Variants in SLC1A7 observed in about 807,000 individuals in gnomAD.
The protein encoded by SLC1A7 is excitatory amino acid transporter 5.
Under a neutral mutation model 47.7 loss-of-function variants are expected in SLC1A7, and 40 were observed. The ratio of observed to expected loss-of-function variants is 0.84; its 90% CI spans 0.65 to 1.09. SLC1A7 has a LOEUF of 1.09. SLC1A7 is among the 50% of genes least tolerant of loss of function. The probability of loss-of-function intolerance (pLI) is 0.00; values close to 1 mark genes in which losing one functional copy is unlikely to be tolerated. For missense variants in SLC1A7, 746 were observed against 769.5 expected (o/e 0.97, Z 0.36); for synonymous variants, 323 against 325.6 (o/e 0.99, Z 0.09).
intron 2 of SLC1A7, among the ~76,000 whole-genome samples, chr1:53,124,248 C>A (rs1237802605): frequency 0.095 from 90 of 946 alleles, no homozygotes; most frequent in African/African-American, 0.11. Flanking sequence ...AATACATACA[C>A]AACACACACA....
chr1:53,105,879 TTCCTC>T, intron 3 of SLC1A7, 105 bp from the exon 4 acceptor site: 1 of 880,616 alleles, frequency 1.1e-6, no homozygotes. Context: ...TGGTCGGGCC[TTCCTC>T]AGGCCAGCCT....
chr1:53,088,272 G>A (rs1404012281), intron 10 of SLC1A7, 45 bp from the exon 11 acceptor site: 19 of 1,491,412 alleles, frequency 1.3e-5, no homozygotes, highest in Non-Finnish European at 1.7e-5. Flanking sequence ...AGGGACCAAG[G>A]TTAGATACGA....
chr1:53,117,523 G>A (rs947082660), intron 2 of SLC1A7, among the ~76,000 whole-genome samples: 59 of 152,312 alleles, frequency 3.9e-4, no homozygotes, highest in African/African-American at 1.2e-3. Flanking sequence ...GCAGCCATCC[G>A]GAGTGATCGT....
chr1:53,093,216 C>T (rs1644445511), intron 6 of SLC1A7, among the ~76,000 whole-genome samples: 1 of 152,170 alleles, frequency 6.6e-6, no homozygotes, highest in African/African-American at 2.4e-5. Flanking sequence ...GAAACTGAGC[C>T]CAGGAGAGCA....
intron 4 of SLC1A7, among the ~76,000 whole-genome samples, chr1:53,104,145 C>T (rs569703444): frequency 1.4e-4 from 21 of 152,344 alleles, no homozygotes; most frequent in Non-Finnish European, 2.8e-4. Context: ...AGGGAGCCTC[C>T]TCTCCCCTCA....
intron 1 of SLC1A7, among the ~76,000 whole-genome samples, chr1:53,138,241 T>A (rs1645020321): frequency 6.6e-6 from 1 of 152,214 alleles, no homozygotes; most frequent in Admixed American, 6.5e-5. Context: ...AGATCATCAG[T>A]TTATCTCCAC....
At chr1:53,105,704 C>G in intron 4 of SLC1A7, 28 bp downstream of exon 4, 1 of 1,587,732 alleles carries the variant, frequency 6.3e-7, no homozygotes, top group South Asian at 1.1e-5. Context: ...CCCCTTCCCT[C>G]CCCTCCACTG....
intron 1 of SLC1A7, among the ~76,000 whole-genome samples, chr1:53,141,822 A>C (rs1645060285): frequency 6.6e-6 from 1 of 151,778 alleles, no homozygotes; most frequent in South Asian, 2.1e-4. Flanking sequence ...TCTTCTGCCC[A>C]AAAGCATCTC....
chr1:53,095,806 G>C (rs1644481065), intron 5 of SLC1A7, among the ~76,000 whole-genome samples: 1 of 135,696 alleles, frequency 7.4e-6, no homozygotes, highest in African/African-American at 2.9e-5. Context: ...CATTCACCCC[G>C]ACTTGGTACA....
rs189122686 is a variant in SLC1A7, at chr1:53,089,308, A to T, written c.1362-329T>A. On this transcript the variant is annotated intron_variant, in intron 9 of 10. Transcript: ENST00000371494. ...GAGACAGAGTCTTGCTCTGTCACTC[A>T]GGCTGGAGTGCAGTGGCGCCATCTC... 4.6e-4 allele frequency among the ~76,000 whole-genome samples: 70 copies of T among 152,340 alleles called. 1 individual carries two copies. The highest frequency in any genetic ancestry group is 3.4e-3 in the Middle Eastern group (1 of 292).
intron 2 of SLC1A7, among the ~76,000 whole-genome samples, chr1:53,121,642 C>T (rs994833775): frequency 6.6e-6 from 1 of 152,224 alleles, no homozygotes; most frequent in African/African-American, 2.4e-5. Flanking sequence ...AGTTGGGAAT[C>T]CAAGCAGACC....
chr1:53,118,688 C>T (rs985983684), intron 2 of SLC1A7: 3 of 152,152 alleles, frequency 2.0e-5, no homozygotes, highest in African/African-American at 7.2e-5. Context: ...ATTATCATTT[C>T]AATATGTCAT....
chr1:53,141,926 G>A (rs1645061643), intron 1 of SLC1A7, among the ~76,000 whole-genome samples: 1 of 152,110 alleles, frequency 6.6e-6, no homozygotes, highest in Non-Finnish European at 1.5e-5. Flanking sequence ...TGTCACCTCT[G>A]CCTAGAGCAC....
intron 4 of SLC1A7, among the ~76,000 whole-genome samples, chr1:53,104,949 G>A (rs927837701): frequency 6.6e-6 from 1 of 152,222 alleles, no homozygotes; most frequent in African/African-American, 2.4e-5. Context: ...CACTGAAAGG[G>A]GGAGTGGGAA....
At position 53,117,707 on chromosome 1, in the gene SLC1A7, C is replaced by G. The variant is rs538562622; in HGVS notation, c.216-2734G>C. On this transcript the variant is annotated intron_variant, in intron 2 of 10. Coordinates refer to ENST00000371494, the MANE Select transcript of SLC1A7 (RefSeq NM_006671.6). ...GTGTGGAGTGGGGTGCAGGTGAGGA[C>G]TGGATTTCAGGAAAGGATAAAGGCC... 5.3e-5 allele frequency among the ~76,000 whole-genome samples: 8 copies of G among 152,296 alleles called. No homozygotes were observed. In the South Asian group the frequency reaches 1.7e-3, roughly 32 times the overall value.
At chr1:53,116,863 G>A (rs551106085) in intron 2 of SLC1A7, among the ~76,000 whole-genome samples, 3 of 152,310 alleles carry the variant, frequency 2.0e-5, no homozygotes, top group Non-Finnish European at 2.9e-5. Flanking sequence ...TGCCCACTCC[G>A]TGCCATGCCC....
At chr1:53,114,675 C>T (rs1280370822) in intron 3 of SLC1A7, 83 bp downstream of exon 3, 6 of 1,203,988 alleles carry the variant, frequency 5.0e-6, no homozygotes, top group African/African-American at 3.0e-5. Context: ...CCCATCTCCA[C>T]ACCCCGTCCT....
At chr1:53,108,400 GCAGGGA>G (rs1644667788) in intron 3 of SLC1A7, 1 of 595,648 alleles carries the variant, frequency 1.7e-6, no homozygotes, top group South Asian at 2.2e-5. Flanking sequence ...GTGGGCCTTG[GCAGGGA>G]CAGCTAGTTG....
rs768214361 is a variant in SLC1A7 at position 53,142,601 on chromosome 1, G to C, written c.-152C>G. Reference sequence around the variant, plus strand: ...AGTCGCCAGCCCCACGGCCATGCCCGTGTGGCCGCCTTAGAGGGAAGCCAC... The same window carrying C: ...AGTCGCCAGCCCCACGGCCATGCCCCTGTGGCCGCCTTAGAGGGAAGCCAC... On this transcript the variant is annotated 5_prime_UTR_variant, in exon 1 of 11. Coordinates refer to ENST00000371494, the MANE Select transcript of SLC1A7 (RefSeq NM_006671.6). 1 of 775,314 alleles carries C rather than the reference G, an allele frequency of 1.3e-6. No homozygotes were observed. The highest frequency in any genetic ancestry group is 2.0e-6 in the Non-Finnish European group (1 of 504,462). 48.0% of individuals were successfully genotyped at this position (775,314 alleles called of 1,614,324 possible). A position where few individuals can be genotyped will look rare whatever the true frequency, so the allele number is the denominator to read the frequency against.
Sources: allele counts gnomAD v4.1 joint callset (sites outside exome capture counted in the v4.1 genomes callset), GRCh38; gene constraint gnomAD v4.1.1; transcripts MANE v1.5; gene names NCBI Gene and HGNC (gene_info 2026-07-23, HGNC 2026-07-21).